Variants in CDH4 observed in about 807,000 individuals in gnomAD.
CDH4 encodes the protein cadherin 4, also known as cadherin-4.
Under a neutral mutation model 86.0 loss-of-function variants are expected in CDH4, and 33 were observed. The observed-to-expected ratio is 0.38, with a 90% CI of 0.29 to 0.51. CDH4 has a LOEUF of 0.51. Ranked by LOEUF, CDH4 falls within the 20% of genes least tolerant of loss-of-function variation. The probability of loss-of-function intolerance (pLI) is 0.86; values close to 1 mark genes in which losing one functional copy is unlikely to be tolerated. For synonymous variants in CDH4, 555 were observed against 549.4 expected, an observed-to-expected ratio of 1.01 and a Z score of -0.14; for missense variants, 1,114 against 1,307.4, an observed-to-expected ratio of 0.85 and a Z score of 2.28.
At chr20:61,884,697 C>T (rs540780412) in intron 7 of CDH4, among the ~76,000 whole-genome samples, 6 of 152,268 alleles carry the variant, frequency 3.9e-5, no homozygotes, top group Middle Eastern at 3.4e-3. Flanking sequence ...ACCTCGGGGG[C>T]GGCTGCTGCT....
intron 4 of CDH4, 113 bp downstream of exon 4, chr20:61,773,295 G>C: frequency 9.8e-7 from 1 of 1,022,206 alleles, no homozygotes; most frequent in South Asian, 1.8e-5. Flanking sequence ...AGAAGGTCGC[G>C]ATTTCACCCT....
At chr20:61,295,062 G>A (rs910708264) in intron 2 of CDH4, among the ~76,000 whole-genome samples, 3 of 152,262 alleles carry the variant, frequency 2.0e-5, no homozygotes, top group Non-Finnish European at 4.4e-5. Context: ...GTGGAAAACA[G>A]CCTTTGGGGA....
At chr20:61,422,559 T>G (rs1177745152) in intron 2 of CDH4, among the ~76,000 whole-genome samples, 1 of 151,822 alleles carries the variant, frequency 6.6e-6, no homozygotes, top group East Asian at 1.9e-4. Context: ...ATGAATATTT[T>G]TATACTAAGG....
chr20:61,352,640 C>T lies in CDH4; in HGVS notation c.169+97703C>T, dbSNP rs149570916. On this transcript the variant is annotated intron_variant, in intron 2 of 15. Coordinates refer to ENST00000614565, the MANE Select transcript of CDH4 (RefSeq NM_001794.5). Reference sequence around the variant, plus strand: ...ATCGCCTGGTTCTGCTGGGGTAGGCCGTTTCGTGTTTGAGCCTGTTTGTAT... The same window carrying T: ...ATCGCCTGGTTCTGCTGGGGTAGGCTGTTTCGTGTTTGAGCCTGTTTGTAT... Among the ~76,000 whole-genome samples the T allele has an allele frequency of 3.5e-3, 529 of 152,202 alleles. 1 individual carries two copies. Among genetic ancestry groups the T allele is most frequent in the Admixed American group, 7.3e-3 (111 of 15,294 alleles).
intron 7 of CDH4, among the ~76,000 whole-genome samples, chr20:61,893,039 G>A (rs1394541823): frequency 2.7e-5 from 4 of 148,182 alleles, no homozygotes; most frequent in Non-Finnish European, 4.5e-5. Flanking sequence ...ATGGATAGAT[G>A]GATGGGTGGG....
At chr20:61,496,980 T>C (rs1713869457) in intron 2 of CDH4, among the ~76,000 whole-genome samples, 1 of 151,904 alleles carries the variant, frequency 6.6e-6, no homozygotes, top group Non-Finnish European at 1.5e-5. Context: ...TTTTTGCTTT[T>C]TGTTTTTTCC....
intron 2 of CDH4, among the ~76,000 whole-genome samples, chr20:61,654,305 A>T (rs996283191): frequency 6.6e-6 from 1 of 152,214 alleles, no homozygotes; most frequent in Non-Finnish European, 1.5e-5. Flanking sequence ...CGCGCCTGCA[A>T]TCGCAAGCAC....
chr20:61,640,930 C>T (rs1041773222), intron 2 of CDH4, among the ~76,000 whole-genome samples: 2 of 152,168 alleles, frequency 1.3e-5, no homozygotes, highest in Non-Finnish European at 2.9e-5. Context: ...CGAGTGGTGC[C>T]GGGCAAGGCA....
intron 2 of CDH4, among the ~76,000 whole-genome samples, chr20:61,399,909 G>A (rs765734945): frequency 4.3e-4 from 65 of 152,170 alleles, no homozygotes; most frequent in Non-Finnish European, 6.9e-4. Context: ...TGGTTCTCAC[G>A]CACTCCTGCT....
At chr20:61,601,126 T>C (rs1233053773) in intron 2 of CDH4, among the ~76,000 whole-genome samples, 1 of 152,204 alleles carries the variant, frequency 6.6e-6, no homozygotes, top group Non-Finnish European at 1.5e-5. Context: ...GGCACCGGCA[T>C]CTGCTCAGCT....
At chr20:61,830,527 G>A (rs1432945190) in intron 4 of CDH4, among the ~76,000 whole-genome samples, 1 of 152,190 alleles carries the variant, frequency 6.6e-6, no homozygotes, top group Non-Finnish European at 1.5e-5. Flanking sequence ...TTCTGCTGCT[G>A]GTGAGGTGGG....
chr20:61,457,162 C>T (rs532042135), intron 2 of CDH4, among the ~76,000 whole-genome samples: 4 of 152,240 alleles, frequency 2.6e-5, no homozygotes, highest in African/African-American at 4.8e-5. Context: ...GCTATCACCA[C>T]GGGGGCCCTT....
At chr20:61,542,363 C>G (rs776336179) in intron 2 of CDH4, among the ~76,000 whole-genome samples, 19 of 152,192 alleles carry the variant, frequency 1.2e-4, no homozygotes, top group Admixed American at 6.5e-5. Context: ...AATGTGTTCT[C>G]AGTCCCTCCC....
intron 2 of CDH4, among the ~76,000 whole-genome samples, chr20:61,270,342 T>C (rs1192610275): frequency 6.6e-6 from 1 of 152,248 alleles, no homozygotes; most frequent in Non-Finnish European, 1.5e-5. Context: ...TCTCAGGTTA[T>C]CTTATTCTTT....
chr20:61,607,606 G>A (rs921527492), intron 2 of CDH4, among the ~76,000 whole-genome samples: 6 of 152,184 alleles, frequency 3.9e-5, no homozygotes, highest in African/African-American at 7.2e-5. Context: ...CGACACCTAC[G>A]TGGACTCGCA....
At chr20:61,587,370 G>A (rs903573051) in intron 2 of CDH4, among the ~76,000 whole-genome samples, 4 of 152,068 alleles carry the variant, frequency 2.6e-5, no homozygotes, top group Non-Finnish European at 5.9e-5. Context: ...CCCCTGGGAC[G>A]CCTGCCCACA....
chr20:61,739,632 T>G lies in CDH4; in HGVS notation c.170-3931T>G, dbSNP rs562571670. Among the ~76,000 whole-genome samples the G allele has an allele frequency of 6.6e-4, 101 of 152,290 alleles. 2 individuals carry two copies. In the South Asian group the frequency reaches 0.02, roughly 30 times the overall value. ...CAGTCTGCAGAGTCCAGAGTGCGGG[T>G]CCTGGATGGGGCTGAGGCACCAGAT... is the stretch of plus-strand genomic sequence containing the variant. On this transcript the variant is annotated intron_variant, in intron 2 of 15. Transcript: ENST00000614565.
chr20:61,356,445 G>A (rs771680568), intron 2 of CDH4, among the ~76,000 whole-genome samples: 55 of 152,202 alleles, frequency 3.6e-4, no homozygotes, highest in Non-Finnish European at 6.9e-4. Context: ...AGTTGTTGAT[G>A]AGTGAAGCCA....
At chr20:61,608,050 C>T (rs1417480629) in intron 2 of CDH4, among the ~76,000 whole-genome samples, 1 of 152,112 alleles carries the variant, frequency 6.6e-6, no homozygotes, top group Admixed American at 6.5e-5. Context: ...TGAGCCTTTC[C>T]CCTCTCTGCA....
Sources: allele counts gnomAD v4.1 joint callset (sites outside exome capture counted in the v4.1 genomes callset), GRCh38; gene constraint gnomAD v4.1.1; transcripts MANE v1.5; gene names NCBI Gene and HGNC (gene_info 2026-07-23, HGNC 2026-07-21).